CCDC126: variants seen among roughly 807,000 people sequenced by gnomAD.
CCDC126 encodes coiled-coil domain-containing protein 126.
A neutral mutation model predicts 11.7 loss-of-function variants in CCDC126; 5 were observed. That is an observed-to-expected ratio of 0.43 (90% CI 0.22 to 0.90). CCDC126 has a LOEUF of 0.90. CCDC126 is among the 40% of genes least tolerant of loss of function. The pLI is 0.27. For missense variants in CCDC126, 150 were observed against 163.1 expected (o/e 0.92, Z 0.44); for synonymous variants, 60 against 61.9 (o/e 0.97, Z 0.14).
intron 3 of CCDC126, among the ~76,000 whole-genome samples, chr7:23,629,183 C>G (rs575825047): frequency 6.6e-6 from 1 of 152,320 alleles, no homozygotes; most frequent in South Asian, 2.1e-4. Flanking sequence ...TATGTTGAAA[C>G]CTAATTTGGT....
chr7:23,625,080 G>A (rs1175062147), intron 3 of CCDC126, among the ~76,000 whole-genome samples: 1 of 152,154 alleles, frequency 6.6e-6, no homozygotes, highest in Admixed American at 6.6e-5. Context: ...CTGGAATCAA[G>A]CGATCCTCCC....
At chr7:23,611,063 T>G (rs1315275447) in intron 2 of CCDC126, 108 bp from the exon 3 acceptor site, 1 of 257,028 alleles carries the variant, frequency 3.9e-6, no homozygotes, top group African/African-American at 2.2e-5. Flanking sequence ...AGTTGTCAAA[T>G]ATATGACACA....
intron 3 of CCDC126, among the ~76,000 whole-genome samples, chr7:23,615,033 AG>A (rs2128016662): frequency 6.6e-6 from 1 of 152,322 alleles, no homozygotes; most frequent in East Asian, 1.9e-4. Flanking sequence ...TGTCATTTGA[AG>A]CTTTGAAGTC....
At chr7:23,605,996 G>T (rs551615771) in intron 2 of CCDC126, among the ~76,000 whole-genome samples, 137 of 151,624 alleles carry the variant, frequency 9.0e-4, no homozygotes, top group Middle Eastern at 3.4e-3. Context: ...TTTTTTGTGT[G>T]TGTGTGTGTG....
intron 3 of CCDC126, among the ~76,000 whole-genome samples, chr7:23,631,429 A>G (rs979559441): frequency 1.3e-5 from 2 of 152,192 alleles, no homozygotes; most frequent in Admixed American, 6.5e-5. Flanking sequence ...AATTGCCGCA[A>G]TCCACCCAAT....
chr7:23,599,221 C>A (rs1177951966), intron 2 of CCDC126, among the ~76,000 whole-genome samples: 7 of 152,314 alleles, frequency 4.6e-5, no homozygotes, highest in Admixed American at 6.5e-5. Flanking sequence ...AGCCCCTATA[C>A]CTGTTGTGCC....
chr7:23,640,154 G>T (rs1783328014), intron 3 of CCDC126, among the ~76,000 whole-genome samples: 1 of 151,786 alleles, frequency 6.6e-6, no homozygotes, highest in Admixed American at 6.6e-5. Flanking sequence ...GTGCACTCCA[G>T]CCTGGGTGAC....
At chr7:23,599,705 C>T (rs572666093) in intron 2 of CCDC126, among the ~76,000 whole-genome samples, 1 of 152,034 alleles carries the variant, frequency 6.6e-6, no homozygotes, top group East Asian at 1.9e-4. Flanking sequence ...AGTGATCTGC[C>T]TATGTCAGCT....
At chr7:23,625,730 A>G (rs186143258) in intron 3 of CCDC126, among the ~76,000 whole-genome samples, 3 of 133,334 alleles carry the variant, frequency 2.2e-5, no homozygotes, top group Non-Finnish European at 4.5e-5. Context: ...CTCTCAGCTC[A>G]CTGCAAGCTC....
Position 23,611,523 on chromosome 7 carries a change from G to A in CCDC126, c.208G>A (p.Val70Ile). 1 of 1,612,404 alleles carries A rather than the reference G, an allele frequency of 6.2e-7. No individual in the cohort carries two copies. The highest frequency in any genetic ancestry group is 8.5e-7 in the Non-Finnish European group (1 of 1,178,460). The part of the protein sequence containing the change: ...LAEENKNTVD[V>I]ENGASMAGYA... ...AGAGGAAAATAAGAACACAGTGGATGTCGAGAACGGTGCTTCTATGGCAGG... is the reference window on the plus strand; with the variant it reads ...AGAGGAAAATAAGAACACAGTGGATATCGAGAACGGTGCTTCTATGGCAGG... The change falls in exon 3 of 4, where the codon GTC (valine) becomes ATC (isoleucine). Residue 70 changes from valine to isoleucine, a missense_variant. By Grantham distance (29) the Val-to-Ile change is conservative. Coordinates refer to ENST00000307471, the MANE Select transcript of CCDC126 (RefSeq NM_138771.4).
intron 2 of CCDC126, among the ~76,000 whole-genome samples, chr7:23,609,585 C>A (rs1653639986): frequency 6.6e-6 from 1 of 152,260 alleles, no homozygotes; most frequent in Admixed American, 6.5e-5. Flanking sequence ...AAGCTGAGTT[C>A]CTGCCAGTGC....
chr7:23,601,454 A>G (rs1369164755), intron 2 of CCDC126, among the ~76,000 whole-genome samples: 2 of 152,222 alleles, frequency 1.3e-5, no homozygotes, highest in Non-Finnish European at 2.9e-5. Flanking sequence ...TTAACAAAAC[A>G]AAATTGGTAG....
intron 3 of CCDC126, among the ~76,000 whole-genome samples, chr7:23,639,188 A>G (rs987896326): frequency 6.8e-6 from 1 of 147,548 alleles, no homozygotes; most frequent in Non-Finnish European, 1.5e-5. Context: ...CATTTTTTTT[A>G]TGTCTTTTTT....
In CCDC126 at chr7:23,600,665, A is replaced by C. The variant is rs183459018; in HGVS notation, c.-146+2614A>C. 2.5e-3 allele frequency among the ~76,000 whole-genome samples: 378 copies of C among 152,220 alleles called. 2 individuals are homozygous for C. The highest frequency in any genetic ancestry group is 8.7e-3 in the African/African-American group (363 of 41,540). On this transcript the variant is annotated intron_variant, in intron 2 of 3. Coordinates refer to ENST00000307471, the MANE Select transcript of CCDC126 (RefSeq NM_138771.4). ...GCTTCTCTGCCTGCTAGTTGCTGCT[A>C]TTGCTGTTGATAGTTACTTTAGCTA... is the stretch of plus-strand genomic sequence containing the variant.
intron 3 of CCDC126, chr7:23,622,800 G>T (rs778109719): frequency 4.3e-6 from 2 of 462,962 alleles, no homozygotes; most frequent in South Asian, 1.7e-5. Context: ...ATGGTTGCCA[G>T]ATGATTACAG....
At chr7:23,632,125 ACT>A (rs1279555551) in intron 3 of CCDC126, among the ~76,000 whole-genome samples, 2 of 140,144 alleles carry the variant, frequency 1.4e-5, no homozygotes, top group African/African-American at 5.3e-5. Context: ...ATGGAGTTTC[ACT>A]CTGTTGCCCA....
At chr7:23,600,368 G>A (rs563471847) in intron 2 of CCDC126, among the ~76,000 whole-genome samples, 2 of 132,648 alleles carry the variant, frequency 1.5e-5, no homozygotes, top group Non-Finnish European at 1.6e-5. Flanking sequence ...GCTGTGTTCT[G>A]TGTTAACCCC....
At chr7:23,620,519 T>A (rs537060952) in intron 3 of CCDC126, among the ~76,000 whole-genome samples, 1 of 151,720 alleles carries the variant, frequency 6.6e-6, no homozygotes, top group Non-Finnish European at 1.5e-5. Context: ...TTTCTCCCAT[T>A]TTGTAGGTTG....
At chr7:23,640,946 A>G (rs774174236) in intron 3 of CCDC126, among the ~76,000 whole-genome samples, 18 of 150,178 alleles carry the variant, frequency 1.2e-4, no homozygotes, top group Non-Finnish European at 2.1e-4. Flanking sequence ...TAAACCTGAA[A>G]TGAACATTGG....
Sources: gnomAD v4.1 joint callset for allele counts (sites outside exome capture counted in the v4.1 genomes callset) on GRCh38, gnomAD v4.1.1 for gene constraint, MANE v1.5 for transcripts, NCBI Gene and HGNC (gene_info 2026-07-23, HGNC 2026-07-21) for gene names.